Variants in PLXDC2 observed in about 807,000 individuals in gnomAD.
PLXDC2 encodes plexin domain-containing protein 2.
A neutral mutation model predicts 68.9 loss-of-function variants in PLXDC2; 40 were observed. The observed-to-expected ratio is 0.58, with a 90% CI of 0.45 to 0.76. The LOEUF is 0.76. Among genes scored for constraint, PLXDC2 ranks in the 30% least tolerant of loss-of-function variants. The pLI, the probability that PLXDC2 is intolerant of heterozygous loss-of-function variation, is 0.00. For synonymous variants in PLXDC2, 243 were observed against 234.2 expected (o/e 1.04, Z -0.34); for missense variants, 644 against 661.9 (o/e 0.97, Z 0.30).
At chr10:20,123,713 C>T (rs929314884) in intron 4 of PLXDC2, among the ~76,000 whole-genome samples, 1 of 151,476 alleles carries the variant, frequency 6.6e-6, no homozygotes, top group Non-Finnish European at 1.5e-5. Context: ...GGTTCTTACC[C>T]TCCAGAAAAG....
At chr10:19,872,291 G>A (rs1369208021) in intron 1 of PLXDC2, among the ~76,000 whole-genome samples, 10 of 152,272 alleles carry the variant, frequency 6.6e-5, no homozygotes, top group Non-Finnish European at 8.8e-5. Flanking sequence ...CCATAATGGC[G>A]AGCACCTCAA....
chr10:20,139,666 A>G (rs968945205), intron 4 of PLXDC2, among the ~76,000 whole-genome samples: 4 of 152,176 alleles, frequency 2.6e-5, no homozygotes, highest in Non-Finnish European at 4.4e-5. Flanking sequence ...ATGGAATACT[A>G]TGCAGCCATA....
At chr10:19,820,293 C>G (rs1836439215) in intron 1 of PLXDC2, among the ~76,000 whole-genome samples, 1 of 152,128 alleles carries the variant, frequency 6.6e-6, no homozygotes, top group Admixed American at 6.5e-5. Flanking sequence ...TTGCTCCAGA[C>G]AGGTTTCTTC....
chr10:19,989,692 T>A (rs1229962945), intron 1 of PLXDC2, among the ~76,000 whole-genome samples: 1 of 151,876 alleles, frequency 6.6e-6, no homozygotes, highest in Non-Finnish European at 1.5e-5. Flanking sequence ...TTTATATTTT[T>A]AAAAAAGTAT....
rs1280744986 is a variant in PLXDC2 at position 20,280,315 on chromosome 10, G to C, written c.*496G>C. 6.5e-6 allele frequency: 1 copy of C among 153,310 alleles called. No individual in the cohort carries two copies. Among genetic ancestry groups the C allele is most frequent in the Non-Finnish European group, 1.5e-5 (1 of 68,532 alleles). 9.5% of individuals were successfully genotyped at this position (153,310 alleles called of 1,614,324 possible). ...GCTAAGAAAAACAGCCCATGCAAGA[G>C]TGAGAACAAACACAAAATAAGAGAT... On this transcript the variant is annotated 3_prime_UTR_variant, in exon 14 of 14. Transcript: ENST00000377252.
At chr10:20,151,897 TG>T (rs1265140038) in intron 6 of PLXDC2, among the ~76,000 whole-genome samples, 1 of 152,132 alleles carries the variant, frequency 6.6e-6, no homozygotes, top group Non-Finnish European at 1.5e-5. Context: ...TTATGTTTTA[TG>T]TGAATGAGAA....
At chr10:20,254,457 T>A (rs2119353146) in intron 13 of PLXDC2, among the ~76,000 whole-genome samples, 1 of 152,332 alleles carries the variant, frequency 6.6e-6, no homozygotes, top group African/African-American at 2.4e-5. Context: ...CCACAAATCT[T>A]TTTTTGTCTT....
intron 9 of PLXDC2, among the ~76,000 whole-genome samples, chr10:20,185,679 G>A (rs1245525783): frequency 3.3e-5 from 5 of 151,890 alleles, no homozygotes; most frequent in Non-Finnish European, 7.4e-5. Context: ...TGCCATTATG[G>A]TCTAAGTTCA....
chr10:20,172,487 T>G (rs1834461555), intron 7 of PLXDC2, among the ~76,000 whole-genome samples: 2 of 152,186 alleles, frequency 1.3e-5, no homozygotes, highest in South Asian at 4.1e-4. Flanking sequence ...ATTCCTTAAT[T>G]GTTTTTTCTT....
intron 2 of PLXDC2, among the ~76,000 whole-genome samples, chr10:20,041,715 C>T (rs1003232733): frequency 8.6e-5 from 13 of 151,992 alleles, no homozygotes; most frequent in African/African-American, 3.1e-4. Context: ...GCTTAAAGAA[C>T]AGAAATACTT....
chr10:20,191,494 C>G (rs909291952), intron 9 of PLXDC2, among the ~76,000 whole-genome samples: 2 of 151,304 alleles, frequency 1.3e-5, no homozygotes, highest in Non-Finnish European at 3.0e-5. Flanking sequence ...TCTGTATTGA[C>G]CCATGCCCTC....
chr10:20,073,737 G>A (rs1019289708), intron 4 of PLXDC2, among the ~76,000 whole-genome samples: 10 of 152,040 alleles, frequency 6.6e-5, no homozygotes, highest in African/African-American at 2.2e-4. Flanking sequence ...CATCAAAACA[G>A]TTTCATTAGT....
chr10:20,251,416 T>C (rs1333278626), intron 13 of PLXDC2, among the ~76,000 whole-genome samples: 4 of 152,214 alleles, frequency 2.6e-5, no homozygotes, highest in South Asian at 2.1e-4. Context: ...TTCCTTAATT[T>C]TTAAAAGATC....
At chr10:20,174,995 T>C (rs1834507095) in intron 7 of PLXDC2, among the ~76,000 whole-genome samples, 1 of 152,120 alleles carries the variant, frequency 6.6e-6, no homozygotes. Flanking sequence ...ATGATTTCAA[T>C]ATAAATTTAA....
intron 4 of PLXDC2, chr10:20,071,238 G>C (rs1836311444): frequency 3.9e-5 from 6 of 152,140 alleles, no homozygotes; most frequent in Admixed American, 3.9e-4. Flanking sequence ...CATTCAATCA[G>C]TGTTTCTTGA....
intron 7 of PLXDC2, among the ~76,000 whole-genome samples, chr10:20,172,230 GAAAAAAA>G (rs571463676): frequency 1.1e-4 from 12 of 110,610 alleles, no homozygotes; most frequent in Non-Finnish European, 1.5e-4. Flanking sequence ...TTGTGAAAAG[GAAAAAAA>G]AAAAAAAAAA....
chr10:20,267,840 C>CTTTT (rs58705023), intron 13 of PLXDC2, among the ~76,000 whole-genome samples: 1 of 146,580 alleles, frequency 6.8e-6, no homozygotes, highest in African/African-American at 2.5e-5. Flanking sequence ...GCTTTTTTAT[C>CTTTT]TTTTTTTTTT....
intron 1 of PLXDC2, among the ~76,000 whole-genome samples, chr10:19,859,254 A>AACAAACAG (rs1288108028): frequency 6.6e-6 from 1 of 152,054 alleles, no homozygotes; most frequent in African/African-American, 2.4e-5. Context: ...AAAACAAACA[A>AACAAACAG]ACAAACAGAC....
intron 1 of PLXDC2, among the ~76,000 whole-genome samples, chr10:19,981,754 TA>T (rs34419541): frequency 1.3e-5 from 2 of 152,210 alleles, no homozygotes; most frequent in African/African-American, 4.8e-5. Flanking sequence ...TCGATCAATA[TA>T]AACACAAAAA....
Sources: allele counts gnomAD v4.1 joint callset (sites outside exome capture counted in the v4.1 genomes callset), GRCh38; gene constraint gnomAD v4.1.1; transcripts MANE v1.5; gene names NCBI Gene and HGNC (gene_info 2026-07-23, HGNC 2026-07-21).